Variants in EXOC4 observed in about 807,000 individuals in gnomAD.
EXOC4 encodes exocyst complex component 4, also known as SEC8-like 1.
Under a neutral mutation model 107.2 loss-of-function variants are expected in EXOC4, and 71 were observed. The ratio of observed to expected loss-of-function variants is 0.66; its 90% CI spans 0.55 to 0.81. The LOEUF is 0.81. EXOC4 is among the 30% of genes least tolerant of loss of function. The pLI is 0.00. For missense variants in EXOC4, 1,108 were observed against 1,189.6 expected, an observed-to-expected ratio of 0.93 and a Z score of 1.01; for synonymous variants, 456 against 441.2, an observed-to-expected ratio of 1.03 and a Z score of -0.42.
intron 10 of EXOC4, among the ~76,000 whole-genome samples, chr7:133,645,035 G>A (rs1802954121): frequency 6.7e-6 from 1 of 150,308 alleles, no homozygotes; most frequent in South Asian, 2.1e-4. Context: ...TTCACCTGGT[G>A]AATTTCTGCT....
Position 133,539,061 on chromosome 7 carries a change from A to G in EXOC4, c.1417+58923A>G, listed in dbSNP as rs961913884. Among the ~76,000 whole-genome samples, 7 of 150,760 alleles carry G rather than the reference A, an allele frequency of 4.6e-5. No homozygotes were observed. The East Asian group carries it at 5.8e-4, about 13-fold the overall frequency. On this transcript the variant is annotated intron_variant, in intron 9 of 17. Transcript: ENST00000253861. ...AATGTTTACTTCATTGTCTGTCTTT[A>G]TCTTTTACCCAGGTGTCTTGTACCT...
intron 10 of EXOC4, among the ~76,000 whole-genome samples, chr7:133,674,428 A>G (rs1794012352): frequency 6.6e-6 from 1 of 152,156 alleles, no homozygotes; most frequent in Non-Finnish European, 1.5e-5. Context: ...TTATCACGAT[A>G]ATTACATTGT....
chr7:133,747,844 G>A (rs1795710299), intron 10 of EXOC4, among the ~76,000 whole-genome samples: 3 of 151,976 alleles, frequency 2.0e-5, no homozygotes, highest in Admixed American at 2.0e-4. Flanking sequence ...TTTTAAATCT[G>A]TATTATTCAG....
intron 11 of EXOC4, among the ~76,000 whole-genome samples, chr7:133,846,096 G>A (rs1481627857): frequency 6.6e-6 from 1 of 151,994 alleles, no homozygotes; most frequent in Non-Finnish European, 1.5e-5. Context: ...TTATATCTCT[G>A]AAGTTGGTCT....
chr7:133,576,530 A>G (rs1442025576), intron 9 of EXOC4: 2 of 1,288,916 alleles, frequency 1.6e-6, no homozygotes, highest in Admixed American at 2.3e-5. Flanking sequence ...CAATTTAGTA[A>G]CAGCAAGCAA....
intron 10 of EXOC4, among the ~76,000 whole-genome samples, chr7:133,695,236 T>C (rs1407596902): frequency 6.6e-6 from 1 of 152,116 alleles, no homozygotes; most frequent in Non-Finnish European, 1.5e-5. Flanking sequence ...TGTCTTTCTG[T>C]GCCTGGGTTT....
chr7:133,853,686 C>A (rs577204760), intron 11 of EXOC4, among the ~76,000 whole-genome samples: 2 of 152,082 alleles, frequency 1.3e-5, no homozygotes, highest in Non-Finnish European at 2.9e-5. Context: ...AGTGGGGAGA[C>A]GTCCTGCTTC....
intron 9 of EXOC4, among the ~76,000 whole-genome samples, chr7:133,527,436 T>C (rs1405826211): frequency 1.3e-5 from 2 of 152,006 alleles, no homozygotes; most frequent in Non-Finnish European, 2.9e-5. Context: ...AATAAAAATA[T>C]GTATTTCAGT....
intron 8 of EXOC4, chr7:133,478,803 CT>C (rs1192864309): frequency 6.6e-6 from 1 of 152,122 alleles, no homozygotes; most frequent in African/African-American, 2.4e-5. Context: ...TGATCAATAG[CT>C]GTCAGCATGC....
intron 14 of EXOC4, among the ~76,000 whole-genome samples, chr7:133,975,798 A>G (rs551670344): frequency 6.6e-6 from 1 of 152,222 alleles, no homozygotes; most frequent in African/African-American, 2.4e-5. Context: ...TAACCCAAGA[A>G]GTAGATATCA....
At chr7:133,870,668 C>G (rs528241712) in intron 11 of EXOC4, among the ~76,000 whole-genome samples, 1 of 152,268 alleles carries the variant, frequency 6.6e-6, no homozygotes, top group South Asian at 2.1e-4. Flanking sequence ...CACAAGACCT[C>G]GCTTAGAGAG....
At chr7:133,463,489 G>C (rs1798642739) in intron 7 of EXOC4, among the ~76,000 whole-genome samples, 1 of 152,182 alleles carries the variant, frequency 6.6e-6, no homozygotes, top group South Asian at 2.1e-4. Context: ...GAGAAAGTAT[G>C]ATGTAAGAGG....
At chr7:133,763,961 G>A (rs976376336) in intron 10 of EXOC4, among the ~76,000 whole-genome samples, 8 of 152,038 alleles carry the variant, frequency 5.3e-5, no homozygotes, top group African/African-American at 1.2e-4. Flanking sequence ...GATTTTTGTA[G>A]CCATAAAAAA....
intron 4 of EXOC4, among the ~76,000 whole-genome samples, chr7:133,313,650 A>G (rs1794926318): frequency 6.6e-6 from 1 of 152,232 alleles, no homozygotes; most frequent in South Asian, 2.1e-4. Context: ...ATGTTTAATA[A>G]GCTGTCAGCA....
chr7:133,542,509 T>C (rs1244615750), intron 9 of EXOC4, among the ~76,000 whole-genome samples: 1 of 152,060 alleles, frequency 6.6e-6, no homozygotes, highest in East Asian at 1.9e-4. Flanking sequence ...TACACAGAAA[T>C]GTGGAGAGAA....
chr7:133,374,688 C>A, intron 6 of EXOC4, 140 bp from the exon 7 acceptor site: 1 of 626,512 alleles, frequency 1.6e-6, no homozygotes, highest in Admixed American at 3.3e-5. Flanking sequence ...TGTTTGAATT[C>A]ACATCTGCTG....
chr7:133,956,105 A>G (rs1340618685), intron 14 of EXOC4, among the ~76,000 whole-genome samples: 1 of 152,162 alleles, frequency 6.6e-6, no homozygotes, highest in African/African-American at 2.4e-5. Flanking sequence ...GGGGCCATCA[A>G]TTGCTTTAGA....
At chr7:134,019,599 A>G (rs1383272668) in intron 17 of EXOC4, among the ~76,000 whole-genome samples, 1 of 152,220 alleles carries the variant, frequency 6.6e-6, no homozygotes, top group Non-Finnish European at 1.5e-5. Context: ...AGATGAGAAA[A>G]CTAAAGCTTA....
chr7:133,900,089 G>A (rs1468949353), intron 12 of EXOC4, among the ~76,000 whole-genome samples: 6 of 152,098 alleles, frequency 3.9e-5, no homozygotes, highest in Non-Finnish European at 8.8e-5. Flanking sequence ...TGGACACAAT[G>A]CTTCTTAGTG....
Sources: allele counts gnomAD v4.1 joint callset (sites outside exome capture counted in the v4.1 genomes callset), GRCh38; gene constraint gnomAD v4.1.1; transcripts MANE v1.5; gene names NCBI Gene and HGNC (gene_info 2026-07-23, HGNC 2026-07-21).